The following EGF variants were observed in gnomAD, a reference collection of about 807,000 sequenced individuals.
The protein encoded by EGF is epidermal growth factor, also known as pro-epidermal growth factor.
EGF carries 95 observed loss-of-function variants against 143.8 expected under a neutral mutation model. That is an observed-to-expected ratio of 0.66 (90% CI 0.56 to 0.78). EGF has a LOEUF of 0.78. EGF is among the 30% of genes least tolerant of loss of function. The pLI, the probability that EGF is intolerant of heterozygous loss-of-function variation, is 0.00. For missense variants in EGF, 1,320 were observed against 1,470.9 expected (o/e 0.90, Z 1.68); for synonymous variants, 510 against 510.5 (o/e 1.00, Z 0.01).
At chr4:109,965,902 G>A (rs1349272042) in intron 10 of EGF, among the ~76,000 whole-genome samples, 2 of 152,018 alleles carry the variant, frequency 1.3e-5, no homozygotes, top group South Asian at 2.1e-4. Flanking sequence ...AGAAAGAAGA[G>A]TAACCCATTA....
intron 1 of EGF, among the ~76,000 whole-genome samples, chr4:109,935,633 G>C (rs893924626): frequency 6.6e-6 from 1 of 152,284 alleles, no homozygotes. Context: ...TCTTATACCA[G>C]TGTTCAAAGG....
At chr4:109,930,852 C>G (rs928341600) in intron 1 of EGF, among the ~76,000 whole-genome samples, 1 of 152,242 alleles carries the variant, frequency 6.6e-6, no homozygotes, top group South Asian at 2.1e-4. Flanking sequence ...TGAACATCTT[C>G]AATGTGCTCC....
At chr4:110,009,457 G>C (rs1753729567) in intron 23 of EGF, among the ~76,000 whole-genome samples, 2 of 152,136 alleles carry the variant, frequency 1.3e-5, no homozygotes, top group Admixed American at 1.3e-4. Context: ...ATGTAATTTT[G>C]CAAGCTAATA....
Position 109,960,989 on chromosome 4 carries a change from C to A in EGF, c.1189C>A (p.Gln397Lys). The A allele has an allele frequency of 6.2e-7, 1 of 1,613,694 alleles. No individual in the cohort carries two copies. Among genetic ancestry groups the A allele is most frequent in the Non-Finnish European group, 8.5e-7 (1 of 1,179,778 alleles). ...VLLPDGKRCHQLVSCPRNVSE... is the reference protein window; with the variant it reads ...VLLPDGKRCHKLVSCPRNVSE... ...GCTTCCTGATGGGAAACGATGTCAT[C>A]GTAAGTTATAGCAACAAGTATTTAT... Residue 397 changes from glutamine (Q) to lysine (K), a missense_variant and splice_region_variant, in exon 7 of 24, where the codon CAA (glutamine) becomes AAA (lysine). By Grantham distance (53) the Gln-to-Lys change is moderately conservative. Transcript: ENST00000265171.
At chr4:109,950,089 A>G (rs1438640827) in intron 5 of EGF, among the ~76,000 whole-genome samples, 3 of 152,188 alleles carry the variant, frequency 2.0e-5, no homozygotes, top group Non-Finnish European at 4.4e-5. Context: ...TGTAGTGGGC[A>G]CATAAAATGC....
intron 5 of EGF, among the ~76,000 whole-genome samples, chr4:109,951,218 T>C (rs1270576703): frequency 2.0e-5 from 3 of 147,930 alleles, no homozygotes; most frequent in Non-Finnish European, 4.5e-5. Context: ...ATTAACTGGG[T>C]GTGGTGGTGT....
chr4:109,993,818 C>T (rs1459999179), intron 19 of EGF, among the ~76,000 whole-genome samples: 1 of 152,060 alleles, frequency 6.6e-6, no homozygotes, highest in African/African-American at 2.4e-5. Flanking sequence ...TCTTTCTTTT[C>T]TCAATATTCA....
intron 5 of EGF, among the ~76,000 whole-genome samples, chr4:109,954,830 T>A (rs1329100169): frequency 1.3e-5 from 2 of 152,326 alleles, no homozygotes; most frequent in African/African-American, 2.4e-5. Flanking sequence ...CACTCTATTT[T>A]CTATGTGATC....
intron 14 of EGF, 80 bp downstream of exon 14, chr4:109,980,219 C>T (rs1749135590): frequency 7.3e-6 from 10 of 1,375,168 alleles, no homozygotes; most frequent in South Asian, 4.8e-5. Flanking sequence ...ATGCAGTTGG[C>T]GGGGGGGTGG....
At chr4:109,997,301 A>G (rs540038420) in intron 20 of EGF, among the ~76,000 whole-genome samples, 1 of 152,242 alleles carries the variant, frequency 6.6e-6, no homozygotes, top group South Asian at 2.1e-4. Context: ...CAGTATAGGG[A>G]GGTTCAGAAT....
At chr4:109,943,482 T>C (rs779367241) in intron 3 of EGF, 47 bp downstream of exon 3, 1 of 1,574,714 alleles carries the variant, frequency 6.4e-7, no homozygotes, top group Non-Finnish European at 8.7e-7. Flanking sequence ...ACAAATCTAG[T>C]GAAGATTGAT....
intron 16 of EGF, among the ~76,000 whole-genome samples, chr4:109,985,520 T>A (rs1216004365): frequency 2.0e-5 from 3 of 152,234 alleles, no homozygotes; most frequent in Non-Finnish European, 4.4e-5. Flanking sequence ...GCTTCCCTCA[T>A]CCTGGCCTTG....
In EGF at chr4:110,004,211, T is replaced by TACACACACAC. The variant is rs201017416; in HGVS notation, c.3174-291_3174-290insCACACACACA. 18 of 387,466 alleles carry TACACACACAC rather than the reference T, an allele frequency of 4.6e-5. No individual in the cohort carries two copies. The East Asian group carries it at 1.0e-3, about 22-fold the overall frequency. 24.0% of individuals were successfully genotyped at this position (387,466 alleles called of 1,614,324 possible). A position where few individuals can be genotyped will look rare whatever the true frequency, so the allele number is the denominator to read the frequency against. ...CTATTCCCCCCAACATACATGGGCA[T>TACACACACAC]ACATACACACACACACACACACACA... On this transcript the variant is annotated intron_variant, in intron 21 of 23. Coordinates refer to ENST00000265171, the MANE Select transcript of EGF (RefSeq NM_001963.6).
Position 109,913,255 on chromosome 4 carries a change from G to T in EGF, c.-81G>T. On this transcript the variant is annotated 5_prime_UTR_variant, in exon 1 of 24. Coordinates refer to ENST00000265171, the MANE Select transcript of EGF (RefSeq NM_001963.6). ...CTCCGCTCAGGCAGCCGCATCTGGG[G>T]TCAATCATACTCACCTTGCCCGGGC... 1 of 1,587,410 alleles carries T rather than the reference G, an allele frequency of 6.3e-7. No homozygotes were observed. Among genetic ancestry groups the T allele is most frequent in the Admixed American group, 1.7e-5 (1 of 59,630 alleles).
intron 21 of EGF, chr4:110,001,569 C>A (rs1752576830): frequency 1.0e-6 from 1 of 972,694 alleles, no homozygotes; most frequent in African/African-American, 1.8e-5. Flanking sequence ...TTCATGCGTG[C>A]CATAATTATT....
chr4:110,002,146 C>G, intron 21 of EGF: 17 of 631,052 alleles, frequency 2.7e-5, no homozygotes, highest in Non-Finnish European at 3.4e-5. Flanking sequence ...CATTCCTTGC[C>G]TGTCTTGTCT....
chr4:109,981,026 A>G (rs1397099856), intron 15 of EGF, 51 bp downstream of exon 15: 2 of 1,607,396 alleles, frequency 1.2e-6, no homozygotes, highest in Non-Finnish European at 1.7e-6. Flanking sequence ...TCAGAAATAC[A>G]GCTGTACATC....
rs193055565 is a variant in EGF at position 109,916,622 on chromosome 4, T to C, written c.127+3160T>C. Among the ~76,000 whole-genome samples, 12 of 150,816 alleles carry C rather than the reference T, an allele frequency of 8.0e-5. No individual in the cohort carries two copies. The East Asian group carries it at 2.3e-3, about 29-fold the overall frequency. The stretch of plus-strand genomic sequence containing the variant: ...TTCTGGGAGTGGAATCTAGGCCTTA[T>C]TTTTTTTTAATGTGGTGATTCTAAC... On this transcript the variant is annotated intron_variant, in intron 1 of 23. Transcript: ENST00000265171.
rs11569056 is a variant in EGF at position 109,989,701 on chromosome 4, C to A, written c.2734+992C>A. Among the ~76,000 whole-genome samples the A allele has an allele frequency of 6.4e-3, 971 of 152,302 alleles. 14 individuals are homozygous for A. The highest frequency in any genetic ancestry group is 0.023 in the African/African-American group (941 of 41,554). On this transcript the variant is annotated intron_variant, in intron 18 of 23. Transcript: ENST00000265171. Reference sequence around the variant, plus strand: ...CAGGCCCATAGATAATTTAGACAAGCTGATTTCATATTTAATTTCCTTTGA... The same window carrying A: ...CAGGCCCATAGATAATTTAGACAAGATGATTTCATATTTAATTTCCTTTGA...
Sources: gnomAD v4.1 joint callset for allele counts (sites outside exome capture counted in the v4.1 genomes callset) on GRCh38, gnomAD v4.1.1 for gene constraint, MANE v1.5 for transcripts, NCBI Gene and HGNC (gene_info 2026-07-23, HGNC 2026-07-21) for gene names.